The following B9D1 variants were observed in gnomAD, a reference collection of about 807,000 sequenced individuals.
B9D1 encodes B9 domain containing 1.
Under a neutral mutation model 26.1 loss-of-function variants are expected in B9D1, and 20 were observed. The ratio of observed to expected loss-of-function variants is 0.77; its 90% CI spans 0.54 to 1.12. The LOEUF (loss-of-function observed/expected upper bound fraction) is 1.12, where lower values mean the gene tolerates loss of function less well. Among genes scored for constraint, B9D1 ranks in the 50% most tolerant of loss-of-function variants. The probability of loss-of-function intolerance (pLI) is 0.00; values close to 1 mark genes in which losing one functional copy is unlikely to be tolerated. For missense variants in B9D1, 260 were observed against 273.7 expected (o/e 0.95, Z 0.35); for synonymous variants, 105 against 103.1 (o/e 1.02, Z -0.11).
chr17:19,343,365 G>GT lies in B9D1; in HGVS notation c.568dup (p.Thr190AsnfsTer41), dbSNP rs1567881110. Reference sequence around the variant, plus strand: ...TGGGCTGGGCCCCAACACACCCTGTGTATCAGAAGGCCCAGTGTCATAGCC... The same window carrying GT: ...TGGGCTGGGCCCCAACACACCCTGTGTTATCAGAAGGCCCAGTGTCATAGCC... On this transcript the variant is annotated frameshift_variant, in exon 7 of 7. Transcript: ENST00000261499. LOFTEE classifies it low-confidence loss of function (END_TRUNC). 6.2e-7 allele frequency: 1 copy of GT among 1,614,164 alleles called. No homozygotes were observed. The highest frequency in any genetic ancestry group is 8.5e-7 in the Non-Finnish European group (1 of 1,180,018).
intron 1 of B9D1, chr17:19,377,753 C>T (rs2152288104): frequency 1.2e-6 from 1 of 864,920 alleles, no homozygotes. Context: ...TCCGCCCACC[C>T]GCGGGCTCCG....
chr17:19,340,064 C>T (rs1466379830), downstream of B9D1, among the ~76,000 whole-genome samples: 4 of 150,982 alleles, frequency 2.6e-5, no homozygotes, highest in African/African-American at 4.9e-5. Context: ...CCCGGGCACT[C>T]GCGCCTTCAG....
intron 1 of B9D1, among the ~76,000 whole-genome samples, chr17:19,374,318 G>A (rs947847480): frequency 2.6e-5 from 4 of 152,150 alleles, no homozygotes; most frequent in Non-Finnish European, 4.4e-5. Flanking sequence ...ACGTAGAAAT[G>A]CTGATCTGAT....
At chr17:19,364,772 T>A (rs1204303774), upstream of B9D1, among the ~76,000 whole-genome samples, 1 of 152,190 alleles carries the variant, frequency 6.6e-6, no homozygotes, top group Non-Finnish European at 1.5e-5. This position sits in a 1 kb window ranked among gnomAD's most constrained non-coding sequence, Gnocchi z 4.3. Flanking sequence ...CGCTCCCACC[T>A]CACTCTTAGT....
At chr17:19,353,622 C>T (rs1909958086) in intron 3 of B9D1, among the ~76,000 whole-genome samples, 1 of 151,446 alleles carries the variant, frequency 6.6e-6, no homozygotes, top group Admixed American at 6.6e-5. Flanking sequence ...GCCTGGGCAA[C>T]AAAAACGAGA....
upstream of B9D1, among the ~76,000 whole-genome samples, chr17:19,366,528 A>C (rs989772867): frequency 6.6e-6 from 1 of 152,056 alleles, no homozygotes; most frequent in African/African-American, 2.4e-5. Flanking sequence ...CCCCCAGACC[A>C]GTGCTCCTAG....
At chr17:19,345,131 A>G (rs528779466) in intron 5 of B9D1, among the ~76,000 whole-genome samples, 1 of 152,262 alleles carries the variant, frequency 6.6e-6, no homozygotes, top group African/African-American at 2.4e-5. Flanking sequence ...TGGGGAGACA[A>G]GACAGGCTGT....
chr17:19,366,770 G>A (rs1337864510), upstream of B9D1, among the ~76,000 whole-genome samples: 2 of 152,188 alleles, frequency 1.3e-5, no homozygotes, highest in African/African-American at 2.4e-5. Flanking sequence ...GCAGGCACTC[G>A]GCTGAATTTC....
chr17:19,346,088 G>A (rs550926165), intron 5 of B9D1, among the ~76,000 whole-genome samples: 1 of 152,366 alleles, frequency 6.6e-6, no homozygotes, highest in South Asian at 2.1e-4. Flanking sequence ...AGCCTGGATG[G>A]CTGTGTGGGT....
chr17:19,374,564 G>T (rs947980761), intron 1 of B9D1, among the ~76,000 whole-genome samples: 1 of 152,206 alleles, frequency 6.6e-6, no homozygotes, highest in African/African-American at 2.4e-5. Context: ...ATATACACTT[G>T]CTGTGTGCAA....
At chr17:19,351,604 A>G (rs762873101) in intron 3 of B9D1, among the ~76,000 whole-genome samples, 1 of 152,186 alleles carries the variant, frequency 6.6e-6, no homozygotes. Flanking sequence ...GGAAGGTGTC[A>G]TTCTTTAAAT....
At chr17:19,346,514 G>T (rs943385960) in intron 5 of B9D1, among the ~76,000 whole-genome samples, 1 of 152,142 alleles carries the variant, frequency 6.6e-6, no homozygotes, top group Non-Finnish European at 1.5e-5. Flanking sequence ...GGCGGCAGAG[G>T]CTTGCTGCCC....
At chr17:19,357,775 G>A in intron 3 of B9D1, 65 bp downstream of exon 3, 1 of 1,168,110 alleles carries the variant, frequency 8.6e-7, no homozygotes, top group Admixed American at 1.7e-5. Context: ...ATGAGGCAGA[G>A]GCTGTCTTGG....
downstream of B9D1, among the ~76,000 whole-genome samples, chr17:19,342,706 C>T (rs1908109795): frequency 6.6e-6 from 1 of 152,114 alleles, no homozygotes; most frequent in African/African-American, 2.4e-5. Flanking sequence ...CAGCCAGCGG[C>T]CTCCCACCTC....
chr17:19,364,091 C>T (rs1911444398), upstream of B9D1, among the ~76,000 whole-genome samples: 1 of 152,214 alleles, frequency 6.6e-6, no homozygotes, highest in South Asian at 2.1e-4. This position sits in a 1 kb window ranked among gnomAD's most constrained non-coding sequence, Gnocchi z 4.3. Flanking sequence ...TCCCTTTGGC[C>T]TTTGAGGCTC....
intron 1 of B9D1, among the ~76,000 whole-genome samples, chr17:19,361,983 A>G (rs904699760): frequency 6.6e-6 from 1 of 152,190 alleles, no homozygotes; most frequent in Non-Finnish European, 1.5e-5. Flanking sequence ...TTTACAATAA[A>G]TGATTCCTCT....
chr17:19,369,355 C>T (rs969608560), intron 1 of B9D1, among the ~76,000 whole-genome samples: 3 of 152,156 alleles, frequency 2.0e-5, no homozygotes, highest in African/African-American at 7.2e-5. Context: ...GGGCCGCGTT[C>T]GGTGTGTCAT....
intron 3 of B9D1, among the ~76,000 whole-genome samples, chr17:19,352,185 C>T (rs945994675): frequency 3.3e-5 from 5 of 152,132 alleles, no homozygotes; most frequent in African/African-American, 1.2e-4. Context: ...CCCACTTAGC[C>T]TGTTTTTTCA....
At chr17:19,335,413 G>T (rs1179308968), downstream of B9D1, 5 of 1,549,428 alleles carry the variant, frequency 3.2e-6, no homozygotes, top group Non-Finnish European at 4.4e-6. Context: ...AGGCATGCAG[G>T]GATTAACAGG....
Sources: allele counts gnomAD v4.1 joint callset (sites outside exome capture counted in the v4.1 genomes callset), GRCh38; gene constraint gnomAD v4.1.1; non-coding constraint Gnocchi (gnomAD v3.1); transcripts MANE v1.5; gene names NCBI Gene and HGNC (gene_info 2026-07-23, HGNC 2026-07-21).